QDPR: variants seen among roughly 807,000 people sequenced by gnomAD.
The protein encoded by QDPR is dihydropteridine reductase.
QDPR carries 23 observed loss-of-function variants against 31.7 expected under a neutral mutation model. That is an observed-to-expected ratio of 0.73 (90% CI 0.52 to 1.03). The LOEUF (loss-of-function observed/expected upper bound fraction) is 1.03, where lower values mean the gene tolerates loss of function less well. Ranked by LOEUF, QDPR falls within the 50% of genes least tolerant of loss-of-function variation. QDPR has a pLI of 0.00. For synonymous variants in QDPR, 124 were observed against 124.7 expected (o/e 0.99, Z 0.03); for missense variants, 324 against 323.8 (o/e 1.00, Z 0.00).
At chr4:17,505,942 C>T (rs1165796578) in intron 2 of QDPR, among the ~76,000 whole-genome samples, 1 of 152,116 alleles carries the variant, frequency 6.6e-6, no homozygotes. Context: ...CTTAGAGATG[C>T]ACTCTACTGC....
chr4:17,487,615 G>T (rs1156635999), intron 6 of QDPR, among the ~76,000 whole-genome samples: 2 of 151,956 alleles, frequency 1.3e-5, no homozygotes, highest in Non-Finnish European at 2.9e-5. Context: ...ACTCCAGCCT[G>T]GGCATCACAA....
chr4:17,500,200 G>T (rs752332053), intron 4 of QDPR, among the ~76,000 whole-genome samples: 2 of 152,028 alleles, frequency 1.3e-5, no homozygotes, highest in African/African-American at 4.8e-5. Context: ...TGATCCACCC[G>T]CCTTGGCCTC....
chr4:17,500,981 A>G (rs532195811), intron 4 of QDPR, among the ~76,000 whole-genome samples: 2 of 152,382 alleles, frequency 1.3e-5, no homozygotes, highest in African/African-American at 4.8e-5. Flanking sequence ...TGTGAATAAC[A>G]GTAAGACTTG....
chr4:17,493,546 G>A (rs1718245161), intron 4 of QDPR, among the ~76,000 whole-genome samples: 1 of 152,170 alleles, frequency 6.6e-6, no homozygotes, highest in Non-Finnish European at 1.5e-5. Context: ...TAATTTGCTA[G>A]AATGGCTCGA....
intron 1 of QDPR, 52 bp from the exon 2 acceptor site, chr4:17,509,415 A>G (rs767155017): frequency 2.0e-6 from 3 of 1,498,848 alleles, no homozygotes; most frequent in African/African-American, 1.4e-5. Flanking sequence ...TTATTCCATG[A>G]AAGAGTCACA....
At chr4:17,511,392 G>A (rs1016202448) in intron 1 of QDPR, among the ~76,000 whole-genome samples, 8 of 152,222 alleles carry the variant, frequency 5.3e-5, no homozygotes, top group Admixed American at 4.6e-4. Context: ...GGGGCTAAAA[G>A]AACAGGGGTG....
rs141523947 is a variant in QDPR at position 17,501,800 on chromosome 4, T to C, written c.355A>G (p.Ser119Gly). The C allele has an allele frequency of 6.2e-7, 1 of 1,614,072 alleles. No homozygotes were observed. The highest frequency in any genetic ancestry group is 8.5e-7 in the Non-Finnish European group (1 of 1,180,040). ...KQSIWTSTIS[S>G]HLATKHLKEG... is the part of the protein sequence containing the mutation. ...TTGAGATGCTTGGTAGCCAGATGGC[T>C]GGAGATGGTCGATGTCCATATGCTC... The change falls in exon 4 of 7, where the codon AGC becomes GGC. Residue 119 changes from serine to glycine, a missense_variant. Physicochemically the swap from Ser to Gly is moderately conservative, Grantham distance 56. Transcript: ENST00000281243.
Position 17,511,994 on chromosome 4 carries a change from C to A in QDPR, c.61G>T (p.Ala21Ser). 6.2e-7 allele frequency: 1 copy of A among 1,610,260 alleles called. No individual in the cohort carries two copies. The change falls in exon 1 of 7, where the codon GCT (alanine) becomes TCT (serine). Residue 21 changes from alanine (A) to serine (S), a missense_variant. By Grantham distance (99) the Ala-to-Ser change is moderately conservative (BLOSUM62 1). Transcript: ENST00000281243. ...RRVLVYGGRG[A>S]LGSRCVQAFR... is the part of the protein sequence containing the mutation. ...GCCTGCACGCATCGAGAACCCAGAGCGCCCCTGCCGCCGTACACCAGCACC... is the reference window on the plus strand; with the variant it reads ...GCCTGCACGCATCGAGAACCCAGAGAGCCCCTGCCGCCGTACACCAGCACC...
intron 6 of QDPR, among the ~76,000 whole-genome samples, chr4:17,489,659 T>A (rs1718089058): frequency 6.6e-6 from 1 of 152,154 alleles, no homozygotes; most frequent in Admixed American, 6.5e-5. Flanking sequence ...TGACAGCTCC[T>A]CCCTCAGAGT....
chr4:17,486,908 A>T lies in QDPR; in HGVS notation c.*223T>A. On this transcript the variant is annotated 3_prime_UTR_variant, in exon 7 of 7. Coordinates refer to ENST00000281243, the MANE Select transcript of QDPR (RefSeq NM_000320.3). ...AGCCCTCCCTATGCAGTTAACACAGATCAACGGATGCTATTTGCAGGCCAC... is the reference window on the plus strand; with the variant it reads ...AGCCCTCCCTATGCAGTTAACACAGTTCAACGGATGCTATTTGCAGGCCAC... The T allele has an allele frequency of 1.7e-6, 1 of 581,238 alleles. No homozygotes were observed. The highest frequency in any genetic ancestry group is 3.1e-6 in the Non-Finnish European group (1 of 321,854). The allele number at this position is 581,238 out of a possible 1,614,324, so 36.0% of individuals were successfully genotyped here. A position where few individuals can be genotyped will look rare whatever the true frequency, so the allele number is the denominator to read the frequency against.
chr4:17,508,633 T>TAAAAAAAAAA (rs34858847), intron 2 of QDPR, among the ~76,000 whole-genome samples: 1 of 127,098 alleles, frequency 7.9e-6, no homozygotes, highest in Non-Finnish European at 1.7e-5. Context: ...TATTTAAGTA[T>TAAAAAAAAAA]AAAAAAAAAA....
chr4:17,488,549 A>C (rs935669571), intron 6 of QDPR, among the ~76,000 whole-genome samples: 13 of 152,244 alleles, frequency 8.5e-5, no homozygotes, highest in Non-Finnish European at 1.6e-4. Flanking sequence ...CAGCAGTCAA[A>C]AAGACCCTCT....
At chr4:17,490,989 A>C (rs1718144767) in intron 5 of QDPR, among the ~76,000 whole-genome samples, 1 of 152,210 alleles carries the variant, frequency 6.6e-6, no homozygotes, top group Non-Finnish European at 1.5e-5. Context: ...CTCACCACTT[A>C]GGCAGATAAG....
At chr4:17,490,343 A>G in intron 6 of QDPR, 1 of 370,964 alleles carries the variant, frequency 2.7e-6, no homozygotes, top group Non-Finnish European at 5.3e-6. Flanking sequence ...GTTTAATCCT[A>G]ACAAGCATGA....
chr4:17,488,688 G>A (rs1718055090), intron 6 of QDPR, among the ~76,000 whole-genome samples: 1 of 152,206 alleles, frequency 6.6e-6, no homozygotes, highest in Non-Finnish European at 1.5e-5. Context: ...TGAGACTTCG[G>A]ACCTTCATTA....
intron 4 of QDPR, among the ~76,000 whole-genome samples, chr4:17,492,759 C>T (rs544921128): frequency 5.3e-5 from 8 of 152,162 alleles, no homozygotes; most frequent in African/African-American, 9.7e-5. Context: ...GAAGGTTGAT[C>T]TTATTTTTAT....
chr4:17,486,883 A>G lies in QDPR; in HGVS notation c.*248T>C. 1.9e-6 allele frequency: 1 copy of G among 526,728 alleles called. No homozygotes were observed. The highest frequency in any genetic ancestry group is 3.3e-5 in the East Asian group (1 of 29,974). 32.6% of individuals were successfully genotyped at this position (526,728 alleles called of 1,614,324 possible). ...CACCGCTATAGCAGGTGCTATGCAG[A>G]GCCCTCCCTATGCAGTTAACACAGA... On this transcript the variant is annotated 3_prime_UTR_variant, in exon 7 of 7. Coordinates refer to ENST00000281243, the MANE Select transcript of QDPR (RefSeq NM_000320.3).
At chr4:17,508,924 T>C (rs947763542) in intron 2 of QDPR, among the ~76,000 whole-genome samples, 1 of 152,022 alleles carries the variant, frequency 6.6e-6, no homozygotes, top group Non-Finnish European at 1.5e-5. Flanking sequence ...TTTGGGAGGC[T>C]AAGGCGGGCG....
chr4:17,511,853 G>T (rs915131710), intron 1 of QDPR, 97 bp downstream of exon 1: 23 of 1,325,468 alleles, frequency 1.7e-5, no homozygotes, highest in Non-Finnish European at 2.3e-5. Context: ...GGTGCACAGG[G>T]GCCCCCACCT....
Sources: allele counts gnomAD v4.1 joint callset (sites outside exome capture counted in the v4.1 genomes callset), GRCh38; gene constraint gnomAD v4.1.1; transcripts MANE v1.5; gene names NCBI Gene and HGNC (gene_info 2026-07-23, HGNC 2026-07-21).